Variants in SNX9 observed in about 807,000 individuals in gnomAD.
The protein encoded by SNX9 is sorting nexin 9.
In SNX9, 44 loss-of-function variants were observed where a neutral mutation model predicts 89.4. The observed-to-expected ratio is 0.49, with a 90% CI of 0.39 to 0.63. The LOEUF is 0.63. Ranked by LOEUF, SNX9 falls within the 30% of genes least tolerant of loss-of-function variation. SNX9 has a pLI of 0.00. For synonymous variants in SNX9, 236 were observed against 247.8 expected, an observed-to-expected ratio of 0.95 and a Z score of 0.45; for missense variants, 578 against 736.1, an observed-to-expected ratio of 0.79 and a Z score of 2.49.
intron 1 of SNX9, among the ~76,000 whole-genome samples, chr6:157,851,271 C>A: frequency 6.7e-6 from 1 of 150,128 alleles, no homozygotes; most frequent in Admixed American, 6.6e-5. Flanking sequence ...AAAAAAAAAC[C>A]CTAAAATAAA....
rs144557871 is a variant in SNX9 at position 157,918,327 on chromosome 6, T to C, written c.950-3204T>C. Among the ~76,000 whole-genome samples, 23 of 152,312 alleles carry C rather than the reference T, an allele frequency of 1.5e-4. No homozygotes were observed. The East Asian group carries it at 3.3e-3, about 22-fold the overall frequency. The stretch of plus-strand genomic sequence containing the variant: ...GTTTGTAATTTTAATATCTTCCTGA[T>C]GTAGTGACCTCTTATATCATGAGGT... On this transcript the variant is annotated intron_variant, in intron 9 of 17. Coordinates refer to ENST00000392185, the MANE Select transcript of SNX9 (RefSeq NM_016224.5).
At chr6:157,864,765 C>T (rs746237743) in intron 1 of SNX9, among the ~76,000 whole-genome samples, 2 of 152,196 alleles carry the variant, frequency 1.3e-5, no homozygotes, top group Admixed American at 6.5e-5. Flanking sequence ...CATGGTGGCT[C>T]ACACCTGTAA....
intron 4 of SNX9, among the ~76,000 whole-genome samples, chr6:157,879,147 A>G (rs1460422024): frequency 6.6e-6 from 1 of 152,222 alleles, no homozygotes; most frequent in African/African-American, 2.4e-5. Flanking sequence ...TCTAAGGCCC[A>G]GCGGTTCTGA....
intron 10 of SNX9, among the ~76,000 whole-genome samples, chr6:157,925,314 C>T (rs755469147): frequency 3.9e-5 from 6 of 152,156 alleles, no homozygotes; most frequent in Non-Finnish European, 5.9e-5. Flanking sequence ...CCACTACACA[C>T]GTGCCAGAAT....
At chr6:157,916,384 TTA>T (rs1488649347) in intron 9 of SNX9, among the ~76,000 whole-genome samples, 1 of 152,186 alleles carries the variant, frequency 6.6e-6, no homozygotes, top group African/African-American at 2.4e-5. Context: ...ATAGAGAGTT[TTA>T]TTTCATCTTT....
intron 6 of SNX9, among the ~76,000 whole-genome samples, chr6:157,904,903 T>A (rs888290871): frequency 4.6e-5 from 7 of 152,064 alleles, no homozygotes; most frequent in Non-Finnish European, 8.8e-5. Flanking sequence ...CAAAATATGC[T>A]CAAAATGCCT....
chr6:157,837,300 A>G (rs1781603552), intron 1 of SNX9, among the ~76,000 whole-genome samples: 2 of 152,136 alleles, frequency 1.3e-5, no homozygotes, highest in African/African-American at 4.8e-5. Flanking sequence ...TACTCTTCCT[A>G]TTGCCTTTTA....
chr6:157,884,535 G>A (rs1782692157), intron 4 of SNX9, among the ~76,000 whole-genome samples: 1 of 152,082 alleles, frequency 6.6e-6, no homozygotes, highest in Admixed American at 6.6e-5. Flanking sequence ...ATTGCTTATT[G>A]AGACTTTCTC....
intron 9 of SNX9, among the ~76,000 whole-genome samples, chr6:157,915,488 A>G (rs1409388964): frequency 6.6e-6 from 1 of 151,450 alleles, no homozygotes; most frequent in Non-Finnish European, 1.5e-5. Context: ...TGTTAGATTT[A>G]TGTGTAAGAA....
chr6:157,861,495 G>T (rs1782120241), intron 1 of SNX9, among the ~76,000 whole-genome samples: 1 of 152,190 alleles, frequency 6.6e-6, no homozygotes, highest in Non-Finnish European at 1.5e-5. Context: ...TTGGATGATG[G>T]CTTCAGAATT....
intron 1 of SNX9, among the ~76,000 whole-genome samples, chr6:157,855,360 T>C (rs1276384382): frequency 2.0e-5 from 3 of 152,206 alleles, no homozygotes; most frequent in Non-Finnish European, 4.4e-5. Context: ...TGAATAACCA[T>C]GTATATATGT....
chr6:157,879,221 G>T (rs1433612068), intron 4 of SNX9, among the ~76,000 whole-genome samples: 3 of 152,230 alleles, frequency 2.0e-5, no homozygotes, highest in Non-Finnish European at 4.4e-5. Context: ...CTACGGCATT[G>T]TTTGTAACAG....
chr6:157,869,887 GCA>G (rs1449971492), intron 2 of SNX9, among the ~76,000 whole-genome samples: 3 of 151,840 alleles, frequency 2.0e-5, no homozygotes, highest in East Asian at 1.9e-4. Flanking sequence ...GCGTGCACAT[GCA>G]CACACATGCG....
At chr6:157,870,332 G>A (rs1383249801) in intron 2 of SNX9, among the ~76,000 whole-genome samples, 2 of 146,794 alleles carry the variant, frequency 1.4e-5, no homozygotes, top group South Asian at 2.2e-4. Flanking sequence ...TCTCACCTGC[G>A]CTCACACTCA....
intron 1 of SNX9, among the ~76,000 whole-genome samples, chr6:157,830,887 T>C (rs1480681424): frequency 6.6e-6 from 1 of 152,198 alleles, no homozygotes; most frequent in African/African-American, 2.4e-5. Context: ...CAACCTGTCA[T>C]GTTTTCTTTG....
chr6:157,914,576 A>G (rs1281120682), intron 9 of SNX9, among the ~76,000 whole-genome samples: 1 of 144,162 alleles, frequency 6.9e-6, no homozygotes, highest in African/African-American at 2.6e-5. Context: ...TCCCGGGCTC[A>G]AGCAGTCTTC....
chr6:157,900,612 A>G (rs1401636650), intron 5 of SNX9, among the ~76,000 whole-genome samples: 1 of 152,168 alleles, frequency 6.6e-6, no homozygotes, highest in African/African-American at 2.4e-5. Context: ...GGGGTAGGTT[A>G]GTGAGGGATT....
intron 4 of SNX9, among the ~76,000 whole-genome samples, chr6:157,896,540 A>G (rs1472961833): frequency 6.6e-6 from 1 of 152,240 alleles, no homozygotes; most frequent in Admixed American, 6.5e-5. Flanking sequence ...AGAGAAAGAA[A>G]GAGAGGGCTG....
chr6:157,871,197 T>C (rs111808398), intron 2 of SNX9, among the ~76,000 whole-genome samples: 10 of 152,192 alleles, frequency 6.6e-5, no homozygotes, highest in African/African-American at 2.4e-4. Flanking sequence ...CTTAGTAACA[T>C]GGCAAAACCT....
Sources: gnomAD v4.1 joint callset for allele counts (sites outside exome capture counted in the v4.1 genomes callset) on GRCh38, gnomAD v4.1.1 for gene constraint, MANE v1.5 for transcripts, NCBI Gene and HGNC (gene_info 2026-07-23, HGNC 2026-07-21) for gene names.